The following TRRAP variants were observed in gnomAD, a reference collection of about 807,000 sequenced individuals.
The protein encoded by TRRAP is transformation/transcription domain-associated protein.
In TRRAP, 41 loss-of-function variants were observed where a neutral mutation model predicts 438.8. The observed-to-expected ratio is 0.09, with a 90% confidence interval of 0.07 to 0.12. The LOEUF is 0.12. TRRAP is among the 10% of genes least tolerant of loss of function. The pLI is 1.00. For synonymous variants in TRRAP, 1,994 were observed against 1,962.9 expected, an observed-to-expected ratio of 1.02 and a Z score of -0.42; for missense variants, 3,122 against 5,055.1, an observed-to-expected ratio of 0.62 and a Z score of 11.60.
At position 98,956,954 on chromosome 7, in the gene TRRAP, C is replaced by T. The variant is rs1243109740; in HGVS notation, c.6231+421C>T. On this transcript the variant is annotated intron_variant, in intron 43 of 72. Coordinates refer to ENST00000456197, the MANE Select transcript of TRRAP (RefSeq NM_001375524.1). This position sits in a 1 kb window ranked among gnomAD's most constrained non-coding sequence, Gnocchi z 4.5. The stretch of plus-strand genomic sequence containing the variant: ...GGCCCTAGGAGCCCTGAGTCTGACC[C>T]CAGCTGGTGTCATGGACCTGCTGGC... Among the ~76,000 whole-genome samples the T allele has an allele frequency of 6.6e-6, 1 of 151,952 alleles. No individual in the cohort carries two copies. The highest frequency in any genetic ancestry group is 1.5e-5 in the Non-Finnish European group (1 of 67,974).
chr7:98,893,977 T>C, intron 6 of TRRAP, 96 bp downstream of exon 6: 1 of 1,056,916 alleles, frequency 9.5e-7, no homozygotes, highest in Non-Finnish European at 1.4e-6. Context: ...GAACACATAC[T>C]GTTTTCAAGT....
chr7:98,964,143 A>C (rs1482569218), intron 47 of TRRAP, among the ~76,000 whole-genome samples: 1 of 152,054 alleles, frequency 6.6e-6, no homozygotes, highest in Non-Finnish European at 1.5e-5. Flanking sequence ...CACAATGCCA[A>C]ATATGAAAGA....
Position 98,942,930 on chromosome 7 carries a change from G to A in TRRAP, c.4405-19G>A. On this transcript the variant is annotated intron_variant, in intron 30 of 72. Transcript: ENST00000456197. ...GCACCTACTGTGAAGTTGTGTCTCAGGATGTGTTTTTCCAACAGCAACATC... is the reference window on the plus strand; with the variant it reads ...GCACCTACTGTGAAGTTGTGTCTCAAGATGTGTTTTTCCAACAGCAACATC... The A allele has an allele frequency of 6.2e-7, 1 of 1,614,114 alleles. No individual in the cohort carries two copies. The highest frequency in any genetic ancestry group is 8.5e-7 in the Non-Finnish European group (1 of 1,179,968).
At chr7:98,954,671 A>G (rs1329666866) in intron 40 of TRRAP, among the ~76,000 whole-genome samples, 1 of 152,006 alleles carries the variant, frequency 6.6e-6, no homozygotes, top group Admixed American at 6.5e-5. Context: ...TGTTCCCATG[A>G]CCTCACATCG....
chr7:98,919,124 A>C (rs1789670439), intron 20 of TRRAP, among the ~76,000 whole-genome samples: 1 of 152,174 alleles, frequency 6.6e-6, no homozygotes, highest in African/African-American at 2.4e-5. Context: ...TGCCCCTTTA[A>C]TAGCAGGTAG....
At position 99,011,567 on chromosome 7, in the gene TRRAP, A is replaced by C. The variant is rs1794427207; in HGVS notation, c.11337+32A>C. The C allele has an allele frequency of 1.3e-6, 2 of 1,597,094 alleles. No homozygotes were observed. The highest frequency in any genetic ancestry group is 4.5e-5 in the East Asian group (2 of 44,758). On this transcript the variant is annotated intron_variant, in intron 72 of 72. Transcript: ENST00000456197. This position sits in a 1 kb window ranked among gnomAD's most constrained non-coding sequence, Gnocchi z 7.1. Reference sequence around the variant, plus strand: ...CTCCACGTCGTCCTATCACAGGCGCAGGCTAGAGCCACTCAGATGCCCGCG... The same window carrying C: ...CTCCACGTCGTCCTATCACAGGCGCCGGCTAGAGCCACTCAGATGCCCGCG...
chr7:98,911,469 C>G (rs529262908), intron 17 of TRRAP, among the ~76,000 whole-genome samples, 198 bp downstream of exon 17: 3 of 152,132 alleles, frequency 2.0e-5, no homozygotes, highest in Non-Finnish European at 4.4e-5. Context: ...CAGTTCCTTT[C>G]GTTAGTAGAA....
chr7:98,885,172 C>A (rs1457461920), intron 3 of TRRAP, among the ~76,000 whole-genome samples: 14 of 152,016 alleles, frequency 9.2e-5, no homozygotes, highest in African/African-American at 3.4e-4. Flanking sequence ...GCAGTCACAG[C>A]TCACTGCAGC....
intron 27 of TRRAP, among the ~76,000 whole-genome samples, chr7:98,933,734 G>A (rs1008444946): frequency 3.3e-5 from 5 of 152,222 alleles, no homozygotes; most frequent in African/African-American, 1.2e-4. Context: ...TAGATCAGCT[G>A]GCCCGGCACA....
At position 98,971,927 on chromosome 7, in the gene TRRAP, C is replaced by T. The variant is rs766317017; in HGVS notation, c.7821C>T (p.Asp2607=). 6 of 1,614,208 alleles carry T rather than the reference C, an allele frequency of 3.7e-6. No individual in the cohort carries two copies. Among genetic ancestry groups the T allele is most frequent in the Middle Eastern group, 3.3e-4 (2 of 6,062 alleles). ...CCAACAGGCACGACAAGTTTCTGGA[C>T]ACTCTCCGAGAGGTGAAGGTCTGTA... The part of the protein sequence containing the change: ...MLTNRHDKFL[D]TLREVKTGAL... Residue 2607 remains aspartate (D), a synonymous_variant, in exon 53 of 73, where the codon GAC becomes GAT. Coordinates refer to ENST00000456197, the MANE Select transcript of TRRAP (RefSeq NM_001375524.1).
At chr7:98,980,752 AT>A (rs1447259048) in intron 58 of TRRAP, among the ~76,000 whole-genome samples, 3 of 152,264 alleles carry the variant, frequency 2.0e-5, no homozygotes, top group African/African-American at 7.2e-5. Flanking sequence ...ATTGGAAGCA[AT>A]TCAAAATTAC....
chr7:98,972,410 C>T (rs550804891), intron 53 of TRRAP, among the ~76,000 whole-genome samples: 1 of 152,178 alleles, frequency 6.6e-6, no homozygotes, highest in Non-Finnish European at 1.5e-5. Context: ...TTGAAAGAAA[C>T]GGTAAAACCG....
intron 24 of TRRAP, 116 bp from the exon 25 acceptor site, chr7:98,930,517 G>T (rs1274807929): frequency 7.6e-7 from 1 of 1,321,458 alleles, no homozygotes; most frequent in Admixed American, 1.9e-5. Context: ...GATGGAGGTT[G>T]CGGTGAGCCG....
intron 67 of TRRAP, among the ~76,000 whole-genome samples, chr7:99,000,082 A>T (rs1650244402): frequency 6.6e-6 from 1 of 152,022 alleles, no homozygotes; most frequent in African/African-American, 2.4e-5. Context: ...ATCTCAGCTC[A>T]CCGCCACCTC....
intron 48 of TRRAP, 67 bp from the exon 49 acceptor site, chr7:98,965,629 C>T (rs1792119950): frequency 6.2e-7 from 1 of 1,602,710 alleles, no homozygotes; most frequent in African/African-American, 1.3e-5. Flanking sequence ...CCAGGCAAGG[C>T]TTAGTGGCTG....
chr7:98,911,982 G>GA lies in TRRAP; in HGVS notation c.2008-38dup, dbSNP rs782743650. The GA allele has an allele frequency of 4.6e-5, 72 of 1,573,938 alleles. 1 individual carries two copies. In the East Asian group the frequency reaches 1.6e-3, roughly 35 times the overall value. ...TACTTTGTCTTAAAACTGCTTTGGG[G>GA]AAGGGATTAATTTTTCACATGTGTT... On this transcript the variant is annotated intron_variant, in intron 17 of 72. Coordinates refer to ENST00000456197, the MANE Select transcript of TRRAP (RefSeq NM_001375524.1).
At chr7:98,921,978 C>CA in intron 21 of TRRAP, 25 bp downstream of exon 21, 1 of 1,613,948 alleles carries the variant, frequency 6.2e-7, no homozygotes, top group Non-Finnish European at 8.5e-7. Flanking sequence ...AATGTCGTTT[C>CA]GTTTTAAGCC....
intron 51 of TRRAP, among the ~76,000 whole-genome samples, chr7:98,968,830 A>G (rs1792276341): frequency 6.6e-6 from 1 of 152,212 alleles, no homozygotes; most frequent in South Asian, 2.1e-4. Context: ...AATTTTGCCT[A>G]TGGCCACACC....
chr7:98,994,311 C>T lies in TRRAP; in HGVS notation c.10048-276C>T, dbSNP rs184446654. Among the ~76,000 whole-genome samples, 360 of 152,250 alleles carry T rather than the reference C, an allele frequency of 2.4e-3. 1 individual carries two copies. The highest frequency in any genetic ancestry group is 8.2e-3 in the African/African-American group (339 of 41,538). On this transcript the variant is annotated intron_variant, in intron 66 of 72. Coordinates refer to ENST00000456197, the MANE Select transcript of TRRAP (RefSeq NM_001375524.1). The surrounding 1 kb of genome is among the most constrained non-coding windows in gnomAD (Gnocchi z 4.8). ...CAGGGGTTTTGTGGCTAATCGCAGA[C>T]GGGTGTATGATCCAAAAAAGTGGGG...
Sources: gnomAD v4.1 joint callset for allele counts (sites outside exome capture counted in the v4.1 genomes callset) on GRCh38, gnomAD v4.1.1 for gene constraint, Gnocchi (gnomAD v3.1) non-coding constraint, MANE v1.5 for transcripts, NCBI Gene and HGNC (gene_info 2026-07-23, HGNC 2026-07-21) for gene names.